The following SLX9 variants were observed in gnomAD, a reference collection of about 807,000 sequenced individuals.
SLX9 encodes ribosome biogenesis protein SLX9 homolog.
In SLX9, 19 loss-of-function variants were observed where a neutral mutation model predicts 20.8. The ratio of observed to expected loss-of-function variants is 0.91; its 90% CI spans 0.64 to 1.34. SLX9 has a LOEUF of 1.34. Among genes scored for constraint, SLX9 ranks in the 40% most tolerant of loss-of-function variants. SLX9 has a pLI of 0.00. For missense variants in SLX9, 299 were observed against 322.2 expected, an observed-to-expected ratio of 0.93 and a Z score of 0.55; for synonymous variants, 113 against 137.1, an observed-to-expected ratio of 0.82 and a Z score of 1.23.
At chr21:44,940,376 C>G (rs914645228) in intron 1 of SLX9, among the ~76,000 whole-genome samples, 190 bp downstream of exon 1, 5 of 152,344 alleles carry the variant, frequency 3.3e-5, no homozygotes, top group South Asian at 4.1e-4. Flanking sequence ...TCTGCGCTGC[C>G]GTCCTGGGCA....
At chr21:44,976,275 A>AGGCTCTC (rs59631583) in intron 5 of SLX9, among the ~76,000 whole-genome samples, 192 of 151,988 alleles carry the variant, frequency 1.3e-3, no homozygotes, top group African/African-American at 3.0e-3. Context: ...CTGCCGGCTC[A>AGGCTCTC]GGCTCTCGGC....
At chr21:44,963,831 T>A (rs1044772183) in intron 3 of SLX9, among the ~76,000 whole-genome samples, 4 of 152,228 alleles carry the variant, frequency 2.6e-5, no homozygotes, top group African/African-American at 9.6e-5. Context: ...AATCTGGAAG[T>A]CAGATAACAT....
At chr21:44,961,283 A>T (rs1284454897) in intron 3 of SLX9, among the ~76,000 whole-genome samples, 1 of 152,152 alleles carries the variant, frequency 6.6e-6, no homozygotes, top group Non-Finnish European at 1.5e-5. Context: ...GCCACTCATA[A>T]AATGATCGAA....
intron 4 of SLX9, among the ~76,000 whole-genome samples, chr21:44,968,221 A>C (rs2085075789): frequency 6.8e-6 from 1 of 148,000 alleles, no homozygotes; most frequent in Non-Finnish European, 1.5e-5. Flanking sequence ...CGCAACCCCC[A>C]GTGACACAAC....
chr21:44,940,239 G>C (rs1387957773), intron 1 of SLX9, 53 bp downstream of exon 1: 17 of 1,202,922 alleles, frequency 1.4e-5, no homozygotes, highest in Non-Finnish European at 1.8e-5. Context: ...GAGGGCGGGT[G>C]AGCTGCGGGG....
intron 3 of SLX9, among the ~76,000 whole-genome samples, chr21:44,960,490 G>A (rs141705332): frequency 1.7e-3 from 260 of 152,348 alleles, no homozygotes; most frequent in African/African-American, 5.5e-3. Context: ...TGCTGCTCTC[G>A]GCTCCTTGTT....
At chr21:44,969,193 C>T (rs530723994) in intron 4 of SLX9, 151 of 470,330 alleles carry the variant, frequency 3.2e-4, no homozygotes, top group African/African-American at 2.2e-3. Context: ...GCAGGTCACG[C>T]GCTGCAGGCC....
rs142670950 is a variant in SLX9 at position 44,957,318 on chromosome 21, C to G, written c.284-2782C>G. The stretch of plus-strand genomic sequence containing the variant: ...TGAGTCCTCCTCAGAGTGCCTCCCA[C>G]TGGGCCAGAGGGGCTGTCCCACACG... On this transcript the variant is annotated intron_variant, in intron 2 of 5. Coordinates refer to ENST00000291634, the MANE Select transcript of SLX9 (RefSeq NM_058190.4). Among the ~76,000 whole-genome samples the G allele has an allele frequency of 4.4e-3, 670 of 152,306 alleles. 4 individuals are homozygous for G. The highest frequency in any genetic ancestry group is 0.01 in the Middle Eastern group (3 of 294).
intron 2 of SLX9, among the ~76,000 whole-genome samples, chr21:44,948,829 T>C (rs1016676369): frequency 1.3e-5 from 2 of 152,220 alleles, no homozygotes; most frequent in Non-Finnish European, 2.9e-5. Context: ...TGAGCTCAGC[T>C]CATGCTACTG....
At position 44,955,270 on chromosome 21, in the gene SLX9, T is replaced by TC. The variant is rs375572479; in HGVS notation, c.284-4826dup. On this transcript the variant is annotated intron_variant, in intron 2 of 5. Coordinates refer to ENST00000291634, the MANE Select transcript of SLX9 (RefSeq NM_058190.4). Reference sequence around the variant, plus strand: ...AGAGAGAGACAGGGGCCCTCCCGCTTCCCCACTCCTAGTCCCCTGTGCTCC... The same window carrying TC: ...AGAGAGAGACAGGGGCCCTCCCGCTTCCCCCACTCCTAGTCCCCTGTGCTCC... 2.8e-3 allele frequency among the ~76,000 whole-genome samples: 420 copies of TC among 150,318 alleles called. 7 individuals carry two copies. The highest frequency in any genetic ancestry group is 9.7e-3 in the African/African-American group (397 of 40,950).
chr21:44,964,543 G>A (rs561035313), intron 3 of SLX9, among the ~76,000 whole-genome samples: 1 of 152,300 alleles, frequency 6.6e-6, no homozygotes, highest in Non-Finnish European at 1.5e-5. Context: ...CCAGTGCCCA[G>A]GTAGCGCCTC....
At chr21:44,949,323 G>T (rs990928594) in intron 2 of SLX9, among the ~76,000 whole-genome samples, 1 of 152,100 alleles carries the variant, frequency 6.6e-6, no homozygotes, top group Admixed American at 6.5e-5. Context: ...CCCTGGGCCC[G>T]GCTGTCAGGA....
chr21:44,969,028 C>G, intron 4 of SLX9: 1 of 404,590 alleles, frequency 2.5e-6, no homozygotes, highest in South Asian at 1.8e-5. Context: ...GCTGGGATTA[C>G]AGGCGTGAGC....
At chr21:44,961,489 AG>A (rs1293092091) in intron 3 of SLX9, among the ~76,000 whole-genome samples, 1 of 152,200 alleles carries the variant, frequency 6.6e-6, no homozygotes. Context: ...TAGGAGGCTG[AG>A]GTAGGAAGAT....
At chr21:44,974,654 C>T (rs2085229153) in intron 5 of SLX9, among the ~76,000 whole-genome samples, 1 of 152,208 alleles carries the variant, frequency 6.6e-6, no homozygotes, top group Non-Finnish European at 1.5e-5. Flanking sequence ...CAGCCTCCGC[C>T]TCCTGGGCTG....
chr21:44,970,909 C>CCCCTGTCCTGGCG (rs1320946042), intron 4 of SLX9, among the ~76,000 whole-genome samples: 1 of 152,198 alleles, frequency 6.6e-6, no homozygotes, highest in Non-Finnish European at 1.5e-5. Context: ...CTCCCTCAAT[C>CCCCTGTCCTGGCG]CCCTGTCCTG....
At chr21:44,960,231 A>C in intron 3 of SLX9, 63 bp downstream of exon 3, 1 of 1,471,684 alleles carries the variant, frequency 6.8e-7, no homozygotes, top group Non-Finnish European at 9.5e-7. Flanking sequence ...GGGCCCTCCT[A>C]TTCCTACAGC....
At chr21:44,976,582 C>A (rs1443348297) in intron 5 of SLX9, 98 bp from the exon 6 acceptor site, 1 of 1,500,000 alleles carries the variant, frequency 6.7e-7, no homozygotes, top group African/African-American at 1.4e-5. Flanking sequence ...TGGCCCCAGG[C>A]CTCTGCCATT....
At chr21:44,939,896 C>A (rs2084505380), upstream of SLX9, 2 of 668,690 alleles carry the variant, frequency 3.0e-6, no homozygotes, top group Admixed American at 3.8e-5. Flanking sequence ...CGGAGCGCCG[C>A]CACCCTACAC....
Sources: gnomAD v4.1 joint callset for allele counts (sites outside exome capture counted in the v4.1 genomes callset) on GRCh38, gnomAD v4.1.1 for gene constraint, MANE v1.5 for transcripts, NCBI Gene and HGNC (gene_info 2026-07-23, HGNC 2026-07-21) for gene names.